The following OR52N4 variants were observed in gnomAD, a reference collection of about 807,000 sequenced individuals.
The protein encoded by OR52N4 is olfactory receptor 52N4.
OR52N4 carries 15 observed loss-of-function variants against 15.0 expected under a neutral mutation model. That is an observed-to-expected ratio of 1.00 (90% confidence interval 0.67 to 1.54). OR52N4 has a LOEUF of 1.54. Ranked by LOEUF, OR52N4 falls within the 40% of genes most tolerant of loss-of-function variation. The pLI is 0.00. For missense variants in OR52N4, 421 were observed against 394.0 expected (o/e 1.07, Z -0.58); for synonymous variants, 143 against 143.7 (o/e 1.00, Z 0.03).
At chr11:5,739,120 G>A in the OR52N4 span, among the ~76,000 whole-genome samples, 1 of 109,582 alleles carries the variant, frequency 9.1e-6, no homozygotes, top group African/African-American at 3.3e-5. Flanking sequence ...GAAGAGAAAA[G>A]ACTCCATGCC....
chr11:5,733,141 A>G, the OR52N4 span, among the ~76,000 whole-genome samples: 1 of 152,266 alleles, frequency 6.6e-6, no homozygotes, highest in East Asian at 1.9e-4. Flanking sequence ...TGGTCTTCAC[A>G]TTGCTGCCAT....
the OR52N4 span, chr11:5,737,000 G>A: frequency 1.2e-6 from 2 of 1,614,094 alleles, no homozygotes; most frequent in Non-Finnish European, 1.7e-6. Flanking sequence ...GCTGAGAAAT[G>A]GCTTATTTGT....
chr11:5,727,969 G>GA, the OR52N4 span, among the ~76,000 whole-genome samples: 1 of 152,166 alleles, frequency 6.6e-6, no homozygotes. Flanking sequence ...ACCAAGAGGA[G>GA]AAAAAGATCC....
At chr11:5,739,130 C>T in the OR52N4 span, among the ~76,000 whole-genome samples, 1 of 80,870 alleles carries the variant, frequency 1.2e-5, no homozygotes, top group Admixed American at 1.2e-4. Context: ...GACTCCATGC[C>T]CTTTGTATTC....
the OR52N4 span, among the ~76,000 whole-genome samples, chr11:5,732,706 C>A: frequency 6.6e-6 from 1 of 152,168 alleles, no homozygotes; most frequent in African/African-American, 2.4e-5. Flanking sequence ...GTGCTAATAG[C>A]ATTAATTCAA....
At chr11:5,739,753 T>C in the OR52N4 span, among the ~76,000 whole-genome samples, 1 of 128,370 alleles carries the variant, frequency 7.8e-6, no homozygotes, top group African/African-American at 2.8e-5. Context: ...TGACATCCTC[T>C]GGCTTCTACA....
chr11:5,734,302 A>C, the OR52N4 span: 2 of 428,682 alleles, frequency 4.7e-6, no homozygotes, highest in Admixed American at 5.4e-5. Context: ...CTTATCCTAA[A>C]CATTATGTTG....
the OR52N4 span, among the ~76,000 whole-genome samples, chr11:5,731,734 C>G: frequency 0.038 from 5,822 of 152,112 alleles, 348 homozygotes; most frequent in African/African-American, 0.13. Flanking sequence ...GCTCTCATCA[C>G]CCCTCCTTTT....
chr11:5,752,026 T>TA (rs1415191270), upstream of OR52N4, among the ~76,000 whole-genome samples: 2 of 151,896 alleles, frequency 1.3e-5, no homozygotes, highest in Non-Finnish European at 2.9e-5. Context: ...ACCAAGGAGA[T>TA]AGAGGTTTGC....
the OR52N4 span, among the ~76,000 whole-genome samples, chr11:5,744,393 G>T: frequency 1.3e-5 from 2 of 152,148 alleles, no homozygotes; most frequent in African/African-American, 4.8e-5. Flanking sequence ...AGCCGGGTAA[G>T]GACGCAACAA....
chr11:5,735,661 G>A, the OR52N4 span, among the ~76,000 whole-genome samples: 4 of 152,060 alleles, frequency 2.6e-5, no homozygotes, highest in South Asian at 2.1e-4. Flanking sequence ...TTGTCTGGTC[G>A]AGCCACCATG....
At chr11:5,739,532 A>C in the OR52N4 span, among the ~76,000 whole-genome samples, 3 of 102,726 alleles carry the variant, frequency 2.9e-5, 1 homozygote, top group Non-Finnish European at 6.2e-5. Context: ...ATTGCACTCC[A>C]ACCTAGGTGA....
At chr11:5,728,418 T>C in the OR52N4 span, among the ~76,000 whole-genome samples, 2 of 152,222 alleles carry the variant, frequency 1.3e-5, no homozygotes, top group Non-Finnish European at 2.9e-5. Flanking sequence ...ACTATATCCA[T>C]GAAACTAAGA....
chr11:5,736,870 C>T, the OR52N4 span: 39 of 1,613,878 alleles, frequency 2.4e-5, no homozygotes, highest in East Asian at 6.7e-4. Context: ...TCTTTGTGGG[C>T]ATGGAGTCTG....
At chr11:5,747,145 TG>T in the OR52N4 span, among the ~76,000 whole-genome samples, 2 of 145,280 alleles carry the variant, frequency 1.4e-5, no homozygotes, top group African/African-American at 5.1e-5. Context: ...TCCCAGCTAT[TG>T]GGGAAGCTGA....
At chr11:5,754,607 A>T in intron 1 of OR52N4, 86 bp from the exon 2 acceptor site, 3 of 917,446 alleles carry the variant, frequency 3.3e-6, no homozygotes, top group Non-Finnish European at 4.7e-6. Context: ...GACCATTAAA[A>T]TGCATTATGG....
Position 5,755,636 on chromosome 11 carries a change from C to T in OR52N4, c.896C>T (p.Thr299Ile), listed in dbSNP as rs1296133034. The T allele has an allele frequency of 3.7e-6, 6 of 1,613,732 alleles. No individual in the cohort carries two copies. In the Admixed American group the frequency reaches 6.7e-5, roughly 18 times the overall value. The change falls in exon 2 of 2, where the codon ACC (threonine) becomes ATC (isoleucine). Residue 299 changes from threonine (T) to isoleucine (I), a missense_variant. Transcript: ENST00000641350. ...TMNPIVYGVK[T>I]KQIRDCVIRI... The stretch of plus-strand genomic sequence containing the variant: ...AACCCTATTGTCTATGGGGTGAAAA[C>T]CAAACAGATACGAGACTGTGTCATA...
the OR52N4 span, among the ~76,000 whole-genome samples, chr11:5,744,971 A>G: frequency 6.5e-4 from 99 of 152,268 alleles, 1 homozygote; most frequent in African/African-American, 2.2e-3. Flanking sequence ...TACATGTGGA[A>G]AAAGCTTTTG....
At chr11:5,730,214 T>C in the OR52N4 span, among the ~76,000 whole-genome samples, 45 of 132,170 alleles carry the variant, frequency 3.4e-4, no homozygotes, top group African/African-American at 1.3e-3. Flanking sequence ...TTTTTTGAGA[T>C]GGAGTCTCAC....
Sources: allele counts gnomAD v4.1 joint callset (sites outside exome capture counted in the v4.1 genomes callset), GRCh38; gene constraint gnomAD v4.1.1; transcripts MANE v1.5; gene names NCBI Gene and HGNC (gene_info 2026-07-23, HGNC 2026-07-21).